The following SGTB variants were observed in gnomAD, a reference collection of about 807,000 sequenced individuals.
The protein encoded by SGTB is small glutamine-rich tetratricopeptide repeat-containing protein beta.
SGTB carries 19 observed loss-of-function variants against 43.9 expected under a neutral mutation model. The ratio of observed to expected loss-of-function variants is 0.43; its 90% CI spans 0.30 to 0.63. SGTB has a LOEUF of 0.63. SGTB is among the 30% of genes least tolerant of loss of function. The pLI is 0.12. For synonymous variants in SGTB, 116 were observed against 117.3 expected (o/e 0.99, Z 0.07); for missense variants, 304 against 358.9 (o/e 0.85, Z 1.24).
chr5:65,708,405 A>C (rs1757978610), intron 4 of SGTB, 84 bp downstream of exon 4: 2 of 1,176,668 alleles, frequency 1.7e-6, no homozygotes, highest in Non-Finnish European at 2.5e-6. Flanking sequence ...TTGGTGGTGT[A>C]ATCAGAACTA....
chr5:65,705,864 C>CAAA (rs34082119), intron 4 of SGTB, among the ~76,000 whole-genome samples: 1 of 125,864 alleles, frequency 7.9e-6, no homozygotes, highest in Admixed American at 8.3e-5. Context: ...CCTATCTCTA[C>CAAA]AAAAAAAAAA....
At chr5:65,681,847 C>T (rs368129004) in intron 6 of SGTB, among the ~76,000 whole-genome samples, 14 of 151,976 alleles carry the variant, frequency 9.2e-5, no homozygotes, top group East Asian at 5.8e-4. Context: ...TGGTGGCAGA[C>T]GCCTGTAATC....
rs915224802 is a variant in SGTB, at chr5:65,720,577, T to A, written c.100+131A>T. 5 of 968,848 alleles carry A rather than the reference T, an allele frequency of 5.2e-6. No individual in the cohort carries two copies. In the African/African-American group the frequency reaches 8.3e-5, roughly 16 times the overall value. The allele number at this position is 968,848 out of a possible 1,614,324, so 60.0% of individuals were successfully genotyped here. Reference sequence around the variant, plus strand: ...AAATGGAAATACGATAACCTTATAGTCAGGCCTCTCCTCTTGAAAGATCAA... The same window carrying A: ...AAATGGAAATACGATAACCTTATAGACAGGCCTCTCCTCTTGAAAGATCAA... On this transcript the variant is annotated intron_variant, in intron 2 of 10. Coordinates refer to ENST00000381007, the MANE Select transcript of SGTB (RefSeq NM_019072.3).
chr5:65,693,501 T>C (rs1757658916), intron 5 of SGTB, among the ~76,000 whole-genome samples: 1 of 152,088 alleles, frequency 6.6e-6, no homozygotes, highest in Non-Finnish European at 1.5e-5. Flanking sequence ...AACATACATA[T>C]AGAGAGAGAT....
chr5:65,707,395 TACACACACACACACAC>T (rs35011866), intron 4 of SGTB, among the ~76,000 whole-genome samples: 13 of 133,688 alleles, frequency 9.7e-5, no homozygotes, highest in East Asian at 4.4e-4. Flanking sequence ...GCTGATTTTA[TACACACACACACACAC>T]ACACACACAC....
chr5:65,706,260 TG>T (rs1392614808), intron 4 of SGTB, among the ~76,000 whole-genome samples: 9 of 152,186 alleles, frequency 5.9e-5, no homozygotes, highest in Non-Finnish European at 8.8e-5. Context: ...TTGTTTTTTA[TG>T]AAGAAACAAA....
intron 5 of SGTB, among the ~76,000 whole-genome samples, chr5:65,691,801 G>C (rs1206647909): frequency 6.6e-6 from 1 of 151,412 alleles, no homozygotes; most frequent in South Asian, 2.1e-4. Flanking sequence ...CGTGGTGGCG[G>C]GCGCCTGTAG....
intron 2 of SGTB, among the ~76,000 whole-genome samples, chr5:65,714,270 T>C (rs1278889109): frequency 6.6e-6 from 1 of 152,084 alleles, no homozygotes; most frequent in African/African-American, 2.4e-5. Flanking sequence ...ATTTGCCAAG[T>C]GCCTACTATC....
chr5:65,710,828 A>T (rs1057109413), intron 3 of SGTB, among the ~76,000 whole-genome samples: 8 of 152,036 alleles, frequency 5.3e-5, no homozygotes, highest in Non-Finnish European at 1.0e-4. Context: ...CGCCTCTACT[A>T]AAAATACAAA....
At chr5:65,704,035 C>CAAAAAAAAAA (rs11405488) in intron 5 of SGTB, among the ~76,000 whole-genome samples, 45 of 133,384 alleles carry the variant, frequency 3.4e-4, no homozygotes, top group East Asian at 7.4e-4. Context: ...GACTCCGTCT[C>CAAAAAAAAAA]AAAAAAAAAA....
intron 10 of SGTB, among the ~76,000 whole-genome samples, chr5:65,670,564 C>T (rs1400612884): frequency 1.3e-5 from 2 of 152,178 alleles, no homozygotes; most frequent in Non-Finnish European, 2.9e-5. Context: ...AGAAACAAAA[C>T]ACCCATGCTA....
intron 6 of SGTB, among the ~76,000 whole-genome samples, chr5:65,684,741 C>T (rs975412788): frequency 2.6e-5 from 4 of 151,676 alleles, no homozygotes; most frequent in Admixed American, 1.3e-4. Context: ...TTAGTAGAGA[C>T]GGGGTTTCAC....
chr5:65,672,235 T>C lies in SGTB; in HGVS notation c.719+9A>G, dbSNP rs1480738241. 3.1e-6 allele frequency: 5 copies of C among 1,614,050 alleles called. No individual in the cohort carries two copies. The South Asian group carries it at 3.3e-5, about 11-fold the overall frequency. ...GGGGAAGTGTAATAAGCTCTTTCTA[T>C]ATACTTACAGCTGTTGAACTTGAGG... On this transcript the variant is annotated intron_variant, in intron 9 of 10. Transcript: ENST00000381007.
chr5:65,701,967 T>A (rs1757834207), intron 5 of SGTB, among the ~76,000 whole-genome samples: 1 of 152,206 alleles, frequency 6.6e-6, no homozygotes, highest in African/African-American at 2.4e-5. Context: ...ACATTAAAAA[T>A]TTAGTTCCTC....
chr5:65,714,705 C>T (rs1758115348), intron 2 of SGTB, among the ~76,000 whole-genome samples: 1 of 152,094 alleles, frequency 6.6e-6, no homozygotes, highest in Admixed American at 6.6e-5. Flanking sequence ...ATCCCAGCTA[C>T]TCGGGAGGCT....
At chr5:65,720,053 T>G (rs1758228634) in intron 2 of SGTB, among the ~76,000 whole-genome samples, 1 of 151,980 alleles carries the variant, frequency 6.6e-6, no homozygotes, top group South Asian at 2.1e-4. Flanking sequence ...TGTTATCTGC[T>G]TACGCTATTT....
chr5:65,700,540 G>T (rs952713833), intron 5 of SGTB, among the ~76,000 whole-genome samples: 1 of 151,692 alleles, frequency 6.6e-6, no homozygotes, highest in African/African-American at 2.4e-5. Flanking sequence ...AATTAGCCAC[G>T]CGTGGTGGTG....
intron 5 of SGTB, among the ~76,000 whole-genome samples, chr5:65,697,131 C>G (rs1485856954): frequency 6.6e-6 from 1 of 152,078 alleles, no homozygotes; most frequent in Non-Finnish European, 1.5e-5. Flanking sequence ...TTTATAGCTA[C>G]TAGAGTCTCA....
At chr5:65,679,397 C>T (rs144412065) in intron 8 of SGTB, among the ~76,000 whole-genome samples, 2,380 of 152,078 alleles carry the variant, frequency 0.016, 54 homozygotes, top group African/African-American at 0.054. Context: ...CTGAGGCAGG[C>T]GGATCACCAG....
Sources: allele counts gnomAD v4.1 joint callset (sites outside exome capture counted in the v4.1 genomes callset), GRCh38; gene constraint gnomAD v4.1.1; transcripts MANE v1.5; gene names NCBI Gene and HGNC (gene_info 2026-07-23, HGNC 2026-07-21).